The following MVK variants were observed in gnomAD, a reference collection of about 807,000 sequenced individuals.
MVK encodes LH receptor mRNA-binding protein.
Under a neutral mutation model 43.2 loss-of-function variants are expected in MVK, and 34 were observed. That is an observed-to-expected ratio of 0.79 (90% CI 0.60 to 1.05). The LOEUF (loss-of-function observed/expected upper bound fraction) is 1.05, where lower values mean the gene tolerates loss of function less well. MVK is among the 50% of genes least tolerant of loss of function. The pLI is 0.00. For missense variants in MVK, 395 were observed against 504.0 expected (o/e 0.78, Z 2.07); for synonymous variants, 190 against 219.8 (o/e 0.86, Z 1.20).
In MVK at chr12:109,596,737, G is replaced by A. The variant is rs553592009; in HGVS notation, c.*160G>A. 1.1e-4 allele frequency: 114 copies of A among 1,079,950 alleles called. No individual in the cohort carries two copies. The highest frequency in any genetic ancestry group is 2.1e-4 in the East Asian group (8 of 38,678). The allele number at this position is 1,079,950 out of a possible 1,614,324, so 66.9% of individuals were successfully genotyped here. ...GCCAGCCAAGCTCTGCAGTCCCAGC[G>A]GTGGGACCTAGGGAGGCATGGTCTG... On this transcript the variant is annotated 3_prime_UTR_variant, in exon 11 of 11. Transcript: ENST00000228510.
At chr12:109,582,198 G>C (rs1463243301) in intron 5 of MVK, among the ~76,000 whole-genome samples, 1 of 152,222 alleles carries the variant, frequency 6.6e-6, no homozygotes, top group East Asian at 1.9e-4. Context: ...CCAGTGCGCA[G>C]AGGTTACGCA....
chr12:109,573,320 G>C, upstream of MVK: 1 of 1,611,686 alleles, frequency 6.2e-7, no homozygotes, highest in Admixed American at 1.7e-5. Flanking sequence ...GCAGGTGTTC[G>C]AGTTGCCCTT....
intron 3 of MVK, among the ~76,000 whole-genome samples, chr12:109,577,454 G>A (rs1885007493): frequency 6.6e-6 from 1 of 152,150 alleles, no homozygotes; most frequent in Admixed American, 6.5e-5. Flanking sequence ...TATGCCGTAT[G>A]GGGATGGAGG....
At chr12:109,592,398 C>G (rs1885726854) in intron 9 of MVK, among the ~76,000 whole-genome samples, 1 of 152,226 alleles carries the variant, frequency 6.6e-6, no homozygotes, top group Non-Finnish European at 1.5e-5. Context: ...TGGCCCCTAG[C>G]TGCCGTGGCT....
At chr12:109,588,060 C>T (rs1322898020) in intron 7 of MVK, 3 of 152,318 alleles carry the variant, frequency 2.0e-5, no homozygotes, top group South Asian at 2.1e-4. Flanking sequence ...CGGGTTGCTC[C>T]AGCAGTCGTC....
chr12:109,594,258 A>T (rs927910625), intron 9 of MVK, among the ~76,000 whole-genome samples: 3 of 152,210 alleles, frequency 2.0e-5, no homozygotes, highest in Admixed American at 6.5e-5. Flanking sequence ...GTGCCTGGGC[A>T]GTGGAAGCTG....
Position 109,577,260 on chromosome 12 carries a change from C to T in MVK, c.226+1115C>T, listed in dbSNP as rs771552955. ...TCCCCTGTACCTGCCCCAGAGCTGA[C>T]GTGTGTTTTCTCTGTTGTCAGTTTA... On this transcript the variant is annotated intron_variant, in intron 3 of 10. Coordinates refer to ENST00000228510, the MANE Select transcript of MVK (RefSeq NM_000431.4). Among the ~76,000 whole-genome samples, 79 of 152,166 alleles carry T rather than the reference C, an allele frequency of 5.2e-4. 1 individual carries two copies. The highest frequency in any genetic ancestry group is 9.3e-4 in the Non-Finnish European group (63 of 68,030).
chr12:109,576,870 C>CAAAAAAA (rs59269664), intron 3 of MVK, among the ~76,000 whole-genome samples: 1 of 102,848 alleles, frequency 9.7e-6, no homozygotes. Context: ...GACTCCATCT[C>CAAAAAAA]AAAAAAAAAA....
chr12:109,573,730 C>G (rs1366349147), upstream of MVK: 1 of 566,740 alleles, frequency 1.8e-6, no homozygotes, highest in Non-Finnish European at 3.2e-6. Flanking sequence ...TAAAGGTACT[C>G]CGGGCTCGCG....
At chr12:109,573,536 G>A (rs888300524), upstream of MVK, 2 of 1,556,720 alleles carry the variant, frequency 1.3e-6, no homozygotes, top group African/African-American at 2.7e-5. Context: ...AGTCCGCGGG[G>A]TGACTCCACC....
chr12:109,593,300 C>T (rs75154385), intron 9 of MVK, among the ~76,000 whole-genome samples: 2,283 of 152,336 alleles, frequency 0.015, 55 homozygotes, highest in African/African-American at 0.052. Context: ...TGGCGCAGAG[C>T]GAGGTATGAG....
rs3742015 is a variant in MVK at position 109,579,320 on chromosome 12, T to C, written c.227-482T>C. ...ATGCCTGGCTAGTTTTTGTACTTTC[T>C]GTAGAGTTGGGGTTTCGCCATGTTA... On this transcript the variant is annotated intron_variant, in intron 3 of 10. Coordinates refer to ENST00000228510, the MANE Select transcript of MVK (RefSeq NM_000431.4). The C allele has an allele frequency of 0.45, 165,243 of 367,680 alleles. 38,472 individuals carry two copies. Among genetic ancestry groups the C allele is most frequent in the African/African-American group, 0.59 (27,721 of 47,016 alleles). The allele number at this position is 367,680 out of a possible 1,614,324, so 22.8% of individuals were successfully genotyped here. A position where few individuals can be genotyped will look rare whatever the true frequency, so the allele number is the denominator to read the frequency against.
rs749860412 is a variant in MVK, at chr12:109,586,028, C to A, written c.534C>A (p.Thr178=). Residue 178 remains threonine (T), a synonymous_variant, in exon 6 of 11, where the codon ACC becomes ACA. Coordinates refer to ENST00000228510, the MANE Select transcript of MVK (RefSeq NM_000431.4). The part of the protein sequence containing the change: ...LKDGDCVNRW[T]KEDLELINKW... Reference sequence around the variant, plus strand: ...TGAACATCTGTGTCTTCAGGTGGACCAAGGAGGATTTGGAGCTAATTAACA... The same window carrying A: ...TGAACATCTGTGTCTTCAGGTGGACAAAGGAGGATTTGGAGCTAATTAACA... The A allele has an allele frequency of 4.3e-6, 7 of 1,613,626 alleles. No individual in the cohort carries two copies. The East Asian group carries it at 1.1e-4, about 26-fold the overall frequency.
At chr12:109,573,652 G>C (rs979285806), upstream of MVK, 1 of 790,268 alleles carries the variant, frequency 1.3e-6, no homozygotes, top group African/African-American at 1.7e-5. Context: ...TTTAACGGAA[G>C]GAGCGGGGCG....
chr12:109,585,811 C>T (rs1301446010), intron 5 of MVK, among the ~76,000 whole-genome samples: 6 of 152,198 alleles, frequency 3.9e-5, no homozygotes, highest in Non-Finnish European at 8.8e-5. Flanking sequence ...GTCCAAAGCC[C>T]AGGCTGTTTT....
intron 1 of MVK, 57 bp from the exon 2 acceptor site, chr12:109,574,752 T>C (rs762870186): frequency 1.4e-6 from 2 of 1,402,116 alleles, no homozygotes; most frequent in Non-Finnish European, 9.9e-7. Flanking sequence ...TAAGATCTCT[T>C]CCTGCTGGTT....
At chr12:109,590,624 G>A in intron 7 of MVK, 147 bp from the exon 8 acceptor site, 1 of 728,038 alleles carries the variant, frequency 1.4e-6, no homozygotes. Flanking sequence ...AGCAGCAGAA[G>A]CCCCATGCTC....
At chr12:109,581,820 A>C (rs774041390) in intron 5 of MVK, among the ~76,000 whole-genome samples, 17 of 152,078 alleles carry the variant, frequency 1.1e-4, no homozygotes, top group Non-Finnish European at 2.4e-4. Context: ...TGTTGGTTTC[A>C]AGCGCCCATG....
chr12:109,588,949 G>A (rs1885559158), intron 7 of MVK: 1 of 152,472 alleles, frequency 6.6e-6, no homozygotes, highest in Non-Finnish European at 1.5e-5. Context: ...TGCTGGTGAA[G>A]GAACATTGAG....
Sources: allele counts gnomAD v4.1 joint callset (sites outside exome capture counted in the v4.1 genomes callset), GRCh38; gene constraint gnomAD v4.1.1; transcripts MANE v1.5; gene names NCBI Gene and HGNC (gene_info 2026-07-23, HGNC 2026-07-21).